The following ADAM28 variants were observed in gnomAD, a reference collection of about 807,000 sequenced individuals.
ADAM28 encodes ADAM metallopeptidase domain 28, also known as disintegrin and metalloproteinase domain-containing protein 28.
In ADAM28, 105 loss-of-function variants were observed where a neutral mutation model predicts 101.2. The observed-to-expected ratio is 1.04, with a 90% confidence interval of 0.89 to 1.22. The LOEUF (loss-of-function observed/expected upper bound fraction) is 1.22. ADAM28 is among the 50% of genes most tolerant of loss of function. The probability of loss-of-function intolerance (pLI) is 0.00; values close to 1 mark genes in which losing one functional copy is unlikely to be tolerated. For synonymous variants in ADAM28, 322 were observed against 310.6 expected (o/e 1.04, Z -0.39); for missense variants, 1,028 against 945.4 (o/e 1.09, Z -1.15).
At chr8:24,329,892 AG>A in intron 10 of ADAM28, 92 bp from the exon 11 acceptor site, 2 of 1,101,930 alleles carry the variant, frequency 1.8e-6, no homozygotes, top group South Asian at 1.7e-5. Context: ...TGTGTGAGAG[AG>A]AGAGAGAGAG....
rs142214821 is a variant in ADAM28, at chr8:24,296,641, A to G, written c.46+2446A>G. ...AGCTTTGGCTTTTCTAAGACTCAAA[A>G]CAGTCAAAAATAATTATCCCATCTA... On this transcript the variant is annotated intron_variant, in intron 1 of 22. Transcript: ENST00000265769. Among the ~76,000 whole-genome samples, 26 of 152,342 alleles carry G rather than the reference A, an allele frequency of 1.7e-4. No individual in the cohort carries two copies. The East Asian group carries it at 4.8e-3, about 28-fold the overall frequency.
intron 6 of ADAM28, among the ~76,000 whole-genome samples, chr8:24,316,507 C>T (rs1811181979): frequency 6.6e-6 from 1 of 151,958 alleles, no homozygotes; most frequent in Non-Finnish European, 1.5e-5. Flanking sequence ...TTATTTGAAG[C>T]TGGAATGATG....
intron 4 of ADAM28, 42 bp downstream of exon 4, chr8:24,310,283 C>A: frequency 6.4e-7 from 1 of 1,572,586 alleles, no homozygotes; most frequent in Non-Finnish European, 8.7e-7. Flanking sequence ...GGGTTTTACC[C>A]ACAGACCTAA....
intron 16 of ADAM28, among the ~76,000 whole-genome samples, chr8:24,342,495 G>T (rs915946638): frequency 4.6e-5 from 7 of 152,248 alleles, no homozygotes; most frequent in Non-Finnish European, 7.4e-5. Flanking sequence ...TTATAAATCT[G>T]CTGATTTGAC....
At chr8:24,351,741 T>C (rs1173608044) in intron 20 of ADAM28, among the ~76,000 whole-genome samples, 1 of 152,258 alleles carries the variant, frequency 6.6e-6, no homozygotes, top group African/African-American at 2.4e-5. Context: ...TAGCTGAAGT[T>C]GGTTAATAAC....
Position 24,347,690 on chromosome 8 carries a change from G to A in ADAM28, c.1991-2174G>A, listed in dbSNP as rs111670043. 3.7e-3 allele frequency among the ~76,000 whole-genome samples: 559 copies of A among 152,064 alleles called. 5 individuals carry two copies. Among genetic ancestry groups the A allele is most frequent in the Middle Eastern group, 6.8e-3 (2 of 294 alleles). ...ATCAATACTTTTATACTTTGAGAGC[G>A]TATTATTATATACATACAAGTTTAG... On this transcript the variant is annotated intron_variant, in intron 18 of 22. Transcript: ENST00000265769.
At chr8:24,313,985 G>A (rs1311730909) in intron 6 of ADAM28, among the ~76,000 whole-genome samples, 2 of 152,016 alleles carry the variant, frequency 1.3e-5, no homozygotes, top group African/African-American at 2.4e-5. Context: ...TCCAACTCCC[G>A]ACCTCGGGTG....
At chr8:24,303,506 T>C (rs991897143) in intron 2 of ADAM28, among the ~76,000 whole-genome samples, 3 of 152,236 alleles carry the variant, frequency 2.0e-5, no homozygotes, top group African/African-American at 7.2e-5. Flanking sequence ...TCTATGTGTC[T>C]GTTTTGTACC....
rs1401154329 is a variant in ADAM28 at position 24,351,243 on chromosome 8, CCA to C, written c.2113_2114del (p.Thr705TrpfsTer31). On this transcript the variant is annotated frameshift_variant, in exon 20 of 23. Coordinates refer to ENST00000265769, the MANE Select transcript of ADAM28 (RefSeq NM_014265.6). LOFTEE classifies it high-confidence loss of function. The stretch of plus-strand genomic sequence containing the variant: ...TTTCTCTCTTACAGGCCACTATCTA[CCA>C]CTGGCACCAGGCCACACAAACAGAA... The C allele has an allele frequency of 6.2e-7, 1 of 1,602,152 alleles. No individual in the cohort carries two copies. Among genetic ancestry groups the C allele is most frequent in the Non-Finnish European group, 8.5e-7 (1 of 1,174,898 alleles).
chr8:24,337,232 G>C (rs1432176393), intron 14 of ADAM28, among the ~76,000 whole-genome samples: 1 of 152,200 alleles, frequency 6.6e-6, no homozygotes, highest in Non-Finnish European at 1.5e-5. Context: ...CCTCCACTTC[G>C]TGGATGCGCC....
chr8:24,313,639 T>C, intron 6 of ADAM28, 59 bp downstream of exon 6: 3 of 1,538,018 alleles, frequency 2.0e-6, no homozygotes, highest in Non-Finnish European at 2.6e-6. Context: ...GTTTCCAGAA[T>C]TAGCAGTGCA....
chr8:24,349,807 G>GTGTT (rs1815847782), intron 18 of ADAM28, 57 bp from the exon 19 acceptor site: 1 of 1,335,350 alleles, frequency 7.5e-7, no homozygotes, highest in African/African-American at 1.5e-5. Context: ...AAGGACTAGT[G>GTGTT]TGTTGTGCAG....
At chr8:24,311,154 G>A (rs1563276854) in intron 4 of ADAM28, among the ~76,000 whole-genome samples, 1 of 152,132 alleles carries the variant, frequency 6.6e-6, no homozygotes, top group Non-Finnish European at 1.5e-5. Flanking sequence ...TTAATACCTT[G>A]TAAACATTTT....
At position 24,325,871 on chromosome 8, in the gene ADAM28, C is replaced by CAAAAAAAAAAAAAAAAAAAA. The variant is rs5890146; in HGVS notation, c.891-673_891-654dup. 9.3e-4 allele frequency among the ~76,000 whole-genome samples: 19 copies of CAAAAAAAAAAAAAAAAAAAA among 20,420 alleles called. 2 individuals are homozygous for CAAAAAAAAAAAAAAAAAAAA. The highest frequency in any genetic ancestry group is 1.1e-3 in the African/African-American group (5 of 4,536). The allele number at this position is 20,420 out of a possible 152,430, so 13.4% of individuals were successfully genotyped here. On this transcript the variant is annotated intron_variant, in intron 9 of 22. Transcript: ENST00000265769. ...AAGGGCCAGGATCTTGTACAGATAG[C>CAAAAAAAAAAAAAAAAAAAA]AAAAAAAAAAAAAAAAAAAAAAAAA...
chr8:24,355,638 A>G lies in ADAM28; in HGVS notation c.*1234A>G, dbSNP rs1816633519. On this transcript the variant is annotated 3_prime_UTR_variant, in exon 23 of 23. Transcript: ENST00000265769. ...ACTCTAGCTGGTACTGCTGCGCTCC[A>G]CACGGTGATTATGAAGGCTGAAAAA... 7.1e-6 allele frequency: 1 copy of G among 140,358 alleles called. No homozygotes were observed. Among genetic ancestry groups the G allele is most frequent in the African/African-American group, 2.7e-5 (1 of 37,524 alleles). The allele number at this position is 140,358 out of a possible 1,614,324, so 8.7% of individuals were successfully genotyped here. A position where few individuals can be genotyped will look rare whatever the true frequency, so the allele number is the denominator to read the frequency against.
chr8:24,301,137 C>G (rs965381967), intron 2 of ADAM28, among the ~76,000 whole-genome samples: 2 of 152,186 alleles, frequency 1.3e-5, no homozygotes, highest in African/African-American at 4.8e-5. Context: ...CCAGCACACT[C>G]GGTGCACATA....
intron 5 of ADAM28, among the ~76,000 whole-genome samples, chr8:24,311,831 T>C (rs898240434): frequency 6.6e-6 from 1 of 152,100 alleles, no homozygotes; most frequent in Non-Finnish European, 1.5e-5. Context: ...CTCAGTCTCC[T>C]GGGTTCAAGT....
intron 6 of ADAM28, 87 bp from the exon 7 acceptor site, chr8:24,320,149 C>G: frequency 1.0e-6 from 1 of 965,854 alleles, no homozygotes; most frequent in East Asian, 2.5e-5. Flanking sequence ...TATCAACCAA[C>G]TGCTTATAAA....
At position 24,354,496 on chromosome 8, in the gene ADAM28, G is replaced by T; in HGVS notation, c.*92G>T. 7.1e-7 allele frequency: 1 copy of T among 1,405,854 alleles called. No homozygotes were observed. Among genetic ancestry groups the T allele is most frequent in the South Asian group, 1.3e-5 (1 of 75,038 alleles). The allele number at this position is 1,405,854 out of a possible 1,614,324, so 87.1% of individuals were successfully genotyped here. ...GAGAAATATACTATCTATCTCACCA[G>T]TATTTGCTCTCGACTCAAGAAGGTT... On this transcript the variant is annotated 3_prime_UTR_variant, in exon 23 of 23. Coordinates refer to ENST00000265769, the MANE Select transcript of ADAM28 (RefSeq NM_014265.6).
Sources: allele counts gnomAD v4.1 joint callset (sites outside exome capture counted in the v4.1 genomes callset), GRCh38; gene constraint gnomAD v4.1.1; transcripts MANE v1.5; gene names NCBI Gene and HGNC (gene_info 2026-07-23, HGNC 2026-07-21).